Variants in NTN1 observed in about 807,000 individuals in gnomAD.
NTN1 encodes netrin-1.
A neutral mutation model predicts 54.2 loss-of-function variants in NTN1; 11 were observed. The ratio of observed to expected loss-of-function variants is 0.20; its 90% CI spans 0.13 to 0.34. The LOEUF (loss-of-function observed/expected upper bound fraction) is 0.34. Ranked by LOEUF, NTN1 falls within the 10% of genes least tolerant of loss-of-function variation. The pLI, the probability that NTN1 is intolerant of heterozygous loss-of-function variation, is 1.00. For missense variants in NTN1, 740 were observed against 893.1 expected, an observed-to-expected ratio of 0.83 and a Z score of 2.18; for synonymous variants, 371 against 382.0, an observed-to-expected ratio of 0.97 and a Z score of 0.33.
chr17:9,048,659 T>A (rs2091949065), intron 2 of NTN1, among the ~76,000 whole-genome samples: 2 of 152,080 alleles, frequency 1.3e-5, no homozygotes, highest in African/African-American at 4.8e-5. Flanking sequence ...AGCCACTTTT[T>A]TTTTTTCTTT....
At chr17:9,004,664 C>A in the NTN1 span, among the ~76,000 whole-genome samples, 26 of 152,350 alleles carry the variant, frequency 1.7e-4, no homozygotes, top group African/African-American at 6.3e-4. Context: ...GGCTGTGGCG[C>A]CTCCAGTGGG....
intron 2 of NTN1, among the ~76,000 whole-genome samples, chr17:9,058,657 AAAAAAAAG>A (rs2091986869): frequency 6.6e-6 from 1 of 151,170 alleles, no homozygotes; most frequent in Admixed American, 6.6e-5. Flanking sequence ...AAAAAAAAAA[AAAAAAAAG>A]AAAAGAAAAA....
chr17:9,050,533 G>C (rs1262112931), intron 2 of NTN1, among the ~76,000 whole-genome samples: 2 of 151,838 alleles, frequency 1.3e-5, no homozygotes, highest in Non-Finnish European at 2.9e-5. Flanking sequence ...AGCCAGGCAT[G>C]GCGGTGCACG....
Position 9,068,575 on chromosome 17 carries a change from C to T in NTN1, c.1018+45184C>T, listed in dbSNP as rs192833403. On this transcript the variant is annotated intron_variant, in intron 2 of 6. Transcript: ENST00000173229. ...CCAGGCTGGAGTGCAATGGTGCGAT[C>T]TCGGCTCACCACAACCTCTGCCCTC... 1.9e-3 allele frequency among the ~76,000 whole-genome samples: 280 copies of T among 150,428 alleles called. 1 individual carries two copies. The highest frequency in any genetic ancestry group is 6.2e-3 in the African/African-American group (255 of 40,834).
chr17:9,180,536 C>G (rs2142317379), intron 4 of NTN1, among the ~76,000 whole-genome samples: 1 of 152,350 alleles, frequency 6.6e-6, no homozygotes, highest in Admixed American at 6.5e-5. Context: ...CCCCTCTCCT[C>G]AGCACTGGCC....
upstream of NTN1, among the ~76,000 whole-genome samples, chr17:9,016,628 T>C (rs2091832565): frequency 6.6e-6 from 1 of 152,230 alleles, no homozygotes; most frequent in Non-Finnish European, 1.5e-5. Context: ...GGTGACTGGC[T>C]ACCATATTGA....
At position 9,202,588 on chromosome 17, in the gene NTN1, CATT is replaced by C. The variant is rs138892184; in HGVS notation, c.1412-18579_1412-18577del. Among the ~76,000 whole-genome samples, 519 of 152,250 alleles carry C rather than the reference CATT, an allele frequency of 3.4e-3. 3 individuals are homozygous for C. The highest frequency in any genetic ancestry group is 0.012 in the African/African-American group (490 of 41,546). On this transcript the variant is annotated intron_variant, in intron 5 of 6. Transcript: ENST00000173229. ...GACTTCAGTATCTACCATGGTGTGACATTGTTGTGGGTTGAGTGGTTCCCCATA... is the reference window on the plus strand; with the variant it reads ...GACTTCAGTATCTACCATGGTGTGACGTTGTGGGTTGAGTGGTTCCCCATA...
At chr17:9,080,300 G>A (rs1027177342) in intron 2 of NTN1, among the ~76,000 whole-genome samples, 5 of 152,260 alleles carry the variant, frequency 3.3e-5, no homozygotes, top group Middle Eastern at 6.8e-3. Flanking sequence ...CTCAGGCCTC[G>A]TCTGTCTCCC....
At chr17:9,202,611 C>G (rs546821731) in intron 5 of NTN1, among the ~76,000 whole-genome samples, 1 of 152,080 alleles carries the variant, frequency 6.6e-6, no homozygotes, top group Non-Finnish European at 1.5e-5. Flanking sequence ...TGAGTGGTTC[C>G]CCATAAATAG....
At chr17:9,199,354 C>T (rs1904722059) in intron 5 of NTN1, among the ~76,000 whole-genome samples, 1 of 152,234 alleles carries the variant, frequency 6.6e-6, no homozygotes, top group Non-Finnish European at 1.5e-5. Context: ...GTTGGCCAGG[C>T]TGGTCTTGAA....
Position 9,221,161 on chromosome 17 carries a change from C to CCCCCA in NTN1, c.1412-6_1412-5insCCCAC. The CCCCCA allele has an allele frequency of 6.3e-7, 1 of 1,592,544 alleles. No homozygotes were observed. The highest frequency in any genetic ancestry group is 8.6e-7 in the Non-Finnish European group (1 of 1,161,324). ...TTTGTCTGTGCTCCCCCCCCACCCC[C>CCCCCA]CTGCAGACTGCGATTCCTACTGCAA... On this transcript the variant is annotated splice_polypyrimidine_tract_variant and splice_region_variant and intron_variant, in intron 5 of 6. Transcript: ENST00000173229. This position sits in a 1 kb window ranked among gnomAD's most constrained non-coding sequence, Gnocchi z 4.5.
At chr17:9,085,359 G>A (rs1267461575) in intron 2 of NTN1, among the ~76,000 whole-genome samples, 4 of 152,166 alleles carry the variant, frequency 2.6e-5, no homozygotes, top group Non-Finnish European at 5.9e-5. Flanking sequence ...GGAAGGGGAG[G>A]GAGAGCAATT....
Position 9,022,590 on chromosome 17 carries a change from C to T in NTN1, c.217C>T (p.Pro73Ser), listed in dbSNP as rs1177864027. Residue 73 changes from proline (P) to serine (S), a missense_variant, in exon 2 of 7, where the codon CCC becomes TCC. Coordinates refer to ENST00000173229, the MANE Select transcript of NTN1 (RefSeq NM_004822.3). ...GCGCGTGTCCAGCACCTGCGGCCGGCCCCCGGCGCGCTACTGCGTGGTGAG... is the reference window on the plus strand; with the variant it reads ...GCGCGTGTCCAGCACCTGCGGCCGGTCCCCGGCGCGCTACTGCGTGGTGAG... ...DVRVSSTCGRPPARYCVVSER... is the reference protein window; with the variant it reads ...DVRVSSTCGRSPARYCVVSER... The T allele has an allele frequency of 2.6e-6, 4 of 1,544,798 alleles. No individual in the cohort carries two copies. Among genetic ancestry groups the T allele is most frequent in the East Asian group, 2.4e-5 (1 of 40,900 alleles).
intron 2 of NTN1, among the ~76,000 whole-genome samples, chr17:9,133,463 G>A (rs898185875): frequency 6.6e-6 from 1 of 152,228 alleles, no homozygotes; most frequent in African/African-American, 2.4e-5. Context: ...TTACTCAGCA[G>A]GTGGTGTCTA....
intron 2 of NTN1, among the ~76,000 whole-genome samples, chr17:9,122,916 G>A (rs938630195): frequency 1.3e-5 from 2 of 152,132 alleles, no homozygotes; most frequent in African/African-American, 4.8e-5. Flanking sequence ...TTTTGTGGGT[G>A]TACCATGACT....
At position 9,240,024 on chromosome 17, in the gene NTN1, C is replaced by G; in HGVS notation, c.*56C>G. The G allele has an allele frequency of 9.1e-7, 1 of 1,104,148 alleles. No homozygotes were observed. Among genetic ancestry groups the G allele is most frequent in the South Asian group, 3.4e-5 (1 of 29,548 alleles). The allele number at this position is 1,104,148 out of a possible 1,614,324, so 68.4% of individuals were successfully genotyped here. On this transcript the variant is annotated 3_prime_UTR_variant, in exon 7 of 7. Coordinates refer to ENST00000173229, the MANE Select transcript of NTN1 (RefSeq NM_004822.3). ...GCGCCAGGGCGGGGCCGAGCGAGAG[C>G]GGGCGCCTTGGCCCGGCCGCCGCGG...
intron 3 of NTN1, chr17:9,177,236 G>A (rs969849924): frequency 2.6e-5 from 4 of 152,230 alleles, no homozygotes; most frequent in African/African-American, 4.8e-5. Context: ...AGCAGACACA[G>A]TGGCCCTGCC....
chr17:9,054,452 C>T (rs538916253), intron 2 of NTN1, among the ~76,000 whole-genome samples: 84 of 152,228 alleles, frequency 5.5e-4, no homozygotes, highest in African/African-American at 2.0e-3. Flanking sequence ...GAAGGCGGGG[C>T]AGCGAGGGAA....
chr17:9,146,177 G>A (rs1348170888), intron 2 of NTN1, among the ~76,000 whole-genome samples: 2 of 152,166 alleles, frequency 1.3e-5, no homozygotes, highest in African/African-American at 4.8e-5. Context: ...GAGGCAAACA[G>A]CTGAGTAAGG....
Sources: allele counts gnomAD v4.1 joint callset (sites outside exome capture counted in the v4.1 genomes callset), GRCh38; gene constraint gnomAD v4.1.1; non-coding constraint Gnocchi (gnomAD v3.1); transcripts MANE v1.5; gene names NCBI Gene and HGNC (gene_info 2026-07-23, HGNC 2026-07-21).